Variants in MGAT4A observed in about 807,000 individuals in gnomAD.
MGAT4A encodes the protein N-acetylglucosaminyltransferase IVa.
Under a neutral mutation model 74.1 loss-of-function variants are expected in MGAT4A, and 33 were observed. The ratio of observed to expected loss-of-function variants is 0.45; its 90% CI spans 0.34 to 0.60. The LOEUF is 0.60. MGAT4A is among the 20% of genes least tolerant of loss of function. The pLI is 0.02. For missense variants in MGAT4A, 479 were observed against 628.3 expected, an observed-to-expected ratio of 0.76 and a Z score of 2.54; for synonymous variants, 198 against 210.4, an observed-to-expected ratio of 0.94 and a Z score of 0.51.
At chr2:98,655,740 T>G (rs1701648821) in intron 7 of MGAT4A, 3 of 412,884 alleles carry the variant, frequency 7.3e-6, no homozygotes, top group Non-Finnish European at 1.3e-5. Context: ...ACACTAATTC[T>G]CAAGCTGTCC....
intron 9 of MGAT4A, among the ~76,000 whole-genome samples, chr2:98,644,889 C>T (rs1701462977): frequency 6.6e-6 from 1 of 152,214 alleles, no homozygotes; most frequent in Non-Finnish European, 1.5e-5. Flanking sequence ...CCGCCTCGGC[C>T]TCCCAAAGTG....
chr2:98,636,668 C>T, intron 12 of MGAT4A, 73 bp from the exon 13 acceptor site: 2 of 1,325,576 alleles, frequency 1.5e-6, no homozygotes, highest in Non-Finnish European at 1.1e-6. Context: ...AATGACCTTA[C>T]CTCAGAGTCA....
intron 2 of MGAT4A, among the ~76,000 whole-genome samples, chr2:98,706,122 G>A (rs990968631): frequency 1.3e-5 from 2 of 152,120 alleles, no homozygotes; most frequent in Non-Finnish European, 2.9e-5. Context: ...TATCCACCAT[G>A]TATGTAGGGA....
intron 3 of MGAT4A, among the ~76,000 whole-genome samples, chr2:98,678,046 C>A (rs1178777369): frequency 1.3e-5 from 2 of 149,874 alleles, no homozygotes; most frequent in Non-Finnish European, 3.0e-5. Context: ...TGGCTAACAT[C>A]GTGAAACCCC....
At chr2:98,724,682 A>G (rs1323736561) in intron 2 of MGAT4A, among the ~76,000 whole-genome samples, 2 of 152,276 alleles carry the variant, frequency 1.3e-5, no homozygotes, top group Non-Finnish European at 2.9e-5. Context: ...CATAAGAAAC[A>G]AGGAAAATTA....
chr2:98,629,167 C>G (rs917612929), intron 14 of MGAT4A, among the ~76,000 whole-genome samples: 1 of 152,224 alleles, frequency 6.6e-6, no homozygotes, highest in Middle Eastern at 3.4e-3. Flanking sequence ...GCCCCATGGA[C>G]CGTAGTTTGC....
chr2:98,652,300 CAT>C (rs912997678), intron 8 of MGAT4A, among the ~76,000 whole-genome samples: 8 of 151,670 alleles, frequency 5.3e-5, no homozygotes, highest in African/African-American at 1.5e-4. Context: ...AGACAGACCA[CAT>C]GTTAGGCCCC....
chr2:98,659,629 T>A (rs546917365), intron 5 of MGAT4A, among the ~76,000 whole-genome samples: 17 of 152,316 alleles, frequency 1.1e-4, no homozygotes, highest in African/African-American at 3.8e-4. Flanking sequence ...TGATAGTGAA[T>A]AAGGCTTATA....
At chr2:98,632,770 T>C (rs1306870216) in intron 14 of MGAT4A, among the ~76,000 whole-genome samples, 1 of 152,108 alleles carries the variant, frequency 6.6e-6, no homozygotes, top group African/African-American at 2.4e-5. Context: ...TTTTGTCTTG[T>C]TTTGTTTTGT....
intron 2 of MGAT4A, among the ~76,000 whole-genome samples, chr2:98,705,181 C>T (rs907993844): frequency 2.6e-5 from 4 of 152,200 alleles, no homozygotes; most frequent in Non-Finnish European, 5.9e-5. Flanking sequence ...CCACCACCTC[C>T]GGAAATGCTT....
At chr2:98,663,596 CT>C in intron 4 of MGAT4A, 1 of 581,304 alleles carries the variant, frequency 1.7e-6, no homozygotes, top group Admixed American at 4.2e-5. Context: ...AATGCATAAC[CT>C]CAACTTAACC....
intron 2 of MGAT4A, among the ~76,000 whole-genome samples, chr2:98,691,797 T>A (rs1702198352): frequency 6.6e-6 from 1 of 152,144 alleles, no homozygotes; most frequent in Admixed American, 6.5e-5. Flanking sequence ...CAGCTTCATG[T>A]GTGTTACCGC....
At chr2:98,632,842 C>A (rs1207955323) in intron 14 of MGAT4A, among the ~76,000 whole-genome samples, 1 of 152,236 alleles carries the variant, frequency 6.6e-6, no homozygotes, top group Non-Finnish European at 1.5e-5. Flanking sequence ...GCAACCTCCA[C>A]CTCCTGCGTT....
intron 2 of MGAT4A, among the ~76,000 whole-genome samples, chr2:98,707,837 T>C (rs1702461394): frequency 6.6e-6 from 1 of 152,210 alleles, no homozygotes; most frequent in African/African-American, 2.4e-5. Context: ...AGGCTGCTCA[T>C]GTGTAATCTC....
chr2:98,677,572 C>A (rs1701992039), intron 3 of MGAT4A, among the ~76,000 whole-genome samples: 1 of 152,088 alleles, frequency 6.6e-6, no homozygotes, highest in Non-Finnish European at 1.5e-5. Flanking sequence ...CCTGCTTCAG[C>A]CTCCTAAGTA....
intron 2 of MGAT4A, among the ~76,000 whole-genome samples, chr2:98,684,411 T>C (rs970874759): frequency 1.3e-5 from 2 of 152,222 alleles, no homozygotes; most frequent in Admixed American, 1.3e-4. Context: ...ACTTTTTTAA[T>C]TGTAGAAAAT....
rs1701010460 is a variant in MGAT4A, at chr2:98,619,320, G to A, written c.*6246C>T. ...CAACAAGTACCTAAAATATTACTAC[G>A]GATAGGAATCATTCAGCCAATGAAG... On this transcript the variant is annotated 3_prime_UTR_variant, in exon 16 of 16. Transcript: ENST00000393487. 1 of 152,234 alleles carries A rather than the reference G, an allele frequency of 6.6e-6. No individual in the cohort carries two copies. Among genetic ancestry groups the A allele is most frequent in the African/African-American group, 2.4e-5 (1 of 41,290 alleles). 9.4% of individuals were successfully genotyped at this position (152,234 alleles called of 1,614,324 possible). A position where few individuals can be genotyped will look rare whatever the true frequency, so the allele number is the denominator to read the frequency against.
At chr2:98,647,994 CA>C (rs1701519586) in intron 8 of MGAT4A, among the ~76,000 whole-genome samples, 1 of 152,188 alleles carries the variant, frequency 6.6e-6, no homozygotes, top group Admixed American at 6.5e-5. Context: ...TAGTCTTCAA[CA>C]AAATGTCACA....
chr2:98,694,810 GAGACTCCATCTCAAAATAAA>G (rs1702244645), intron 2 of MGAT4A: 1 of 152,650 alleles, frequency 6.6e-6, no homozygotes, highest in Non-Finnish European at 1.5e-5. Context: ...GTGACAGAGC[GAGACTCCATCTCAAAATAAA>G]AACAAAACAA....
Sources: gnomAD v4.1 joint callset for allele counts (sites outside exome capture counted in the v4.1 genomes callset) on GRCh38, gnomAD v4.1.1 for gene constraint, MANE v1.5 for transcripts, NCBI Gene and HGNC (gene_info 2026-07-23, HGNC 2026-07-21) for gene names.